Variants in OPCML observed in about 807,000 individuals in gnomAD.
OPCML encodes opioid binding protein/cell adhesion molecule like, also known as opioid-binding protein/cell adhesion molecule.
In OPCML, 13 loss-of-function variants were observed where a neutral mutation model predicts 37.8. The observed-to-expected ratio is 0.34, with a 90% confidence interval of 0.22 to 0.55. OPCML has a LOEUF of 0.55. Ranked by LOEUF, OPCML falls within the 20% of genes least tolerant of loss-of-function variation. OPCML has a pLI of 0.91. For synonymous variants in OPCML, 176 were observed against 168.8 expected (o/e 1.04, Z -0.33); for missense variants, 341 against 435.6 (o/e 0.78, Z 1.93).
At chr11:133,035,117 GA>G (rs1947754394) in intron 1 of OPCML, among the ~76,000 whole-genome samples, 2 of 152,178 alleles carry the variant, frequency 1.3e-5, no homozygotes, top group African/African-American at 4.8e-5. Context: ...GATTTATACA[GA>G]GGGGAGGGTA....
At chr11:133,247,891 G>A (rs538366199) in intron 1 of OPCML, among the ~76,000 whole-genome samples, 1 of 152,278 alleles carries the variant, frequency 6.6e-6, no homozygotes, top group African/African-American at 2.4e-5. Flanking sequence ...TTATAGGCAT[G>A]AGCCACCGCA....
At chr11:132,659,706 G>C (rs959472733) in intron 2 of OPCML, among the ~76,000 whole-genome samples, 7 of 131,994 alleles carry the variant, frequency 5.3e-5, no homozygotes, top group Non-Finnish European at 8.0e-5. Flanking sequence ...CAAAATTCCT[G>C]TGTGTGTGTG....
chr11:133,314,990 G>A (rs1943171003), intron 1 of OPCML, among the ~76,000 whole-genome samples: 1 of 152,094 alleles, frequency 6.6e-6, no homozygotes, highest in Admixed American at 6.5e-5. Context: ...GTGTGCGTGT[G>A]TGTGTGTTAG....
intron 1 of OPCML, among the ~76,000 whole-genome samples, chr11:133,255,954 CTATT>C (rs1302386817): frequency 6.6e-6 from 1 of 152,184 alleles, no homozygotes; most frequent in African/African-American, 2.4e-5. Context: ...TTTTTAAAGA[CTATT>C]TAATATTCCA....
chr11:132,979,003 T>C (rs1156969998), intron 1 of OPCML, among the ~76,000 whole-genome samples: 1 of 152,136 alleles, frequency 6.6e-6, no homozygotes, highest in Non-Finnish European at 1.5e-5. Flanking sequence ...GCAACAAATG[T>C]CAACTTCTTC....
At chr11:132,929,452 C>T (rs1565973173) in intron 2 of OPCML, among the ~76,000 whole-genome samples, 1 of 152,132 alleles carries the variant, frequency 6.6e-6, no homozygotes, top group Non-Finnish European at 1.5e-5. Flanking sequence ...GATAGCATCA[C>T]TGCTGAATTT....
chr11:132,577,638 G>T (rs1216876886), intron 3 of OPCML, among the ~76,000 whole-genome samples: 1 of 152,164 alleles, frequency 6.6e-6, no homozygotes. Context: ...ATAATGTGAT[G>T]ATCGCAAGGA....
intron 1 of OPCML, among the ~76,000 whole-genome samples, chr11:133,265,170 G>A (rs1039920536): frequency 6.6e-5 from 10 of 152,146 alleles, no homozygotes; most frequent in East Asian, 3.9e-4. Flanking sequence ...GTTCCCAAGC[G>A]TCACATCTCC....
intron 2 of OPCML, among the ~76,000 whole-genome samples, chr11:132,779,577 G>A (rs948285116): frequency 3.3e-5 from 5 of 151,960 alleles, no homozygotes; most frequent in African/African-American, 1.2e-4. Context: ...GGGAGAGAGA[G>A]AGAGAGATAG....
chr11:133,375,787 C>T lies in OPCML; in HGVS notation c.61+156477G>A, dbSNP rs530530202. 6.6e-5 allele frequency among the ~76,000 whole-genome samples: 10 copies of T among 152,208 alleles called. No individual in the cohort carries two copies. The East Asian group carries it at 1.5e-3, about 24-fold the overall frequency. ...AGCTGTCAGCTGTCTTAAGACAGAC[C>T]GGTGTCTGTGCGTTCCCACAATGAC... On this transcript the variant is annotated intron_variant, in intron 1 of 7. Coordinates refer to ENST00000524381, the MANE Select transcript of OPCML (RefSeq NM_001012393.5).
intron 1 of OPCML, chr11:133,421,287 T>A: frequency 1.0e-6 from 1 of 985,348 alleles, no homozygotes; most frequent in South Asian, 4.7e-5. Flanking sequence ...AGGCATCATT[T>A]GTAGAATGTG....
At chr11:132,529,731 G>GA (rs1463379325) in intron 3 of OPCML, among the ~76,000 whole-genome samples, 1 of 152,142 alleles carries the variant, frequency 6.6e-6, no homozygotes, top group Non-Finnish European at 1.5e-5. Flanking sequence ...ATTTTAACCT[G>GA]AAAATCCCCA....
intron 1 of OPCML, among the ~76,000 whole-genome samples, chr11:133,458,581 G>GTACACATATATACACGTGTGTGTGTGTA (rs1565645556): frequency 7.3e-5 from 7 of 95,758 alleles, no homozygotes; most frequent in South Asian, 2.8e-4. Flanking sequence ...ACACGTGTGT[G>GTACACATATATACACGTGTGTGTGTGTA]TACACATATA....
chr11:133,003,374 T>A (rs546918309), intron 1 of OPCML, among the ~76,000 whole-genome samples: 1 of 152,050 alleles, frequency 6.6e-6, no homozygotes, highest in Non-Finnish European at 1.5e-5. Context: ...TGTGGCCACA[T>A]CTCTCCAACC....
intron 4 of OPCML, among the ~76,000 whole-genome samples, chr11:132,491,921 C>A (rs1044474249): frequency 1.5e-4 from 21 of 136,478 alleles, no homozygotes; most frequent in Non-Finnish European, 1.2e-4. Flanking sequence ...TGGGACATAC[C>A]TAATTTTTTT....
At chr11:132,485,195 T>G (rs1305223730) in intron 4 of OPCML, among the ~76,000 whole-genome samples, 1 of 152,162 alleles carries the variant, frequency 6.6e-6, no homozygotes, top group Non-Finnish European at 1.5e-5. Context: ...TTCCAAATGA[T>G]GAAAGGGAAC....
intron 1 of OPCML, among the ~76,000 whole-genome samples, chr11:133,109,268 G>C (rs1949213362): frequency 2.0e-5 from 3 of 152,100 alleles, no homozygotes; most frequent in Admixed American, 2.0e-4. Flanking sequence ...CCAAAGAGTG[G>C]GCAGTAGCAA....
At chr11:133,101,143 T>C (rs1176654950) in intron 1 of OPCML, among the ~76,000 whole-genome samples, 1 of 152,130 alleles carries the variant, frequency 6.6e-6, no homozygotes, top group African/African-American at 2.4e-5. Flanking sequence ...CAGGCTGGTC[T>C]TGAACTCCTG....
chr11:132,500,557 A>C (rs2096243318), intron 4 of OPCML, among the ~76,000 whole-genome samples: 1 of 151,866 alleles, frequency 6.6e-6, no homozygotes, highest in African/African-American at 2.4e-5. Context: ...GGTTCCCTTT[A>C]TTTATTATTT....
Sources: allele counts gnomAD v4.1 joint callset (sites outside exome capture counted in the v4.1 genomes callset), GRCh38; gene constraint gnomAD v4.1.1; transcripts MANE v1.5; gene names NCBI Gene and HGNC (gene_info 2026-07-23, HGNC 2026-07-21).